Variants in KCNK5 observed in about 807,000 individuals in gnomAD.
KCNK5 encodes the protein potassium channel subfamily K member 5.
KCNK5 carries 18 observed loss-of-function variants against 32.9 expected under a neutral mutation model. That is an observed-to-expected ratio of 0.55 (90% CI 0.38 to 0.81). The LOEUF (loss-of-function observed/expected upper bound fraction) is 0.81. KCNK5 is among the 30% of genes least tolerant of loss of function. The probability of loss-of-function intolerance (pLI) is 0.00; values close to 1 mark genes in which losing one functional copy is unlikely to be tolerated. For synonymous variants in KCNK5, 276 were observed against 275.3 expected (o/e 1.00, Z -0.03); for missense variants, 507 against 651.0 (o/e 0.78, Z 2.41).
At chr6:39,213,038 T>C (rs1771369322) in intron 1 of KCNK5, among the ~76,000 whole-genome samples, 2 of 152,176 alleles carry the variant, frequency 1.3e-5, no homozygotes, top group Admixed American at 1.3e-4. Flanking sequence ...AGACCCCCTG[T>C]GGATACCCAG....
In KCNK5 at chr6:39,194,369, T is replaced by C; in HGVS notation, c.466-32A>G. ...GGGAGCAGGAGGCCAAGTCAGAGAA[T>C]AGTGGAGACTTGGAAACCCAGCAAA... On this transcript the variant is annotated intron_variant, in intron 3 of 4. Transcript: ENST00000359534. The surrounding 1 kb of genome is among the most constrained non-coding windows in gnomAD (Gnocchi z 4.7). The C allele has an allele frequency of 4.5e-6, 7 of 1,569,206 alleles. No individual in the cohort carries two copies. The highest frequency in any genetic ancestry group is 2.2e-5 in the East Asian group (1 of 44,530).
chr6:39,212,465 T>C (rs534042441), intron 1 of KCNK5, among the ~76,000 whole-genome samples: 18 of 152,322 alleles, frequency 1.2e-4, no homozygotes, highest in Admixed American at 2.6e-4. Context: ...GGATGACCCA[T>C]GCCATGGGCC....
intron 1 of KCNK5, among the ~76,000 whole-genome samples, chr6:39,208,721 C>G (rs1044400478): frequency 2.0e-5 from 3 of 152,210 alleles, no homozygotes; most frequent in Admixed American, 6.5e-5. Flanking sequence ...AACGCAAACC[C>G]CACCAGAAGA....
intron 1 of KCNK5, among the ~76,000 whole-genome samples, chr6:39,207,652 G>T (rs952025535): frequency 6.6e-6 from 1 of 152,100 alleles, no homozygotes; most frequent in Non-Finnish European, 1.5e-5. Context: ...TGGCGGGGGT[G>T]GGGGGTAGGA....
chr6:39,216,861 C>T (rs1267157437), intron 1 of KCNK5, among the ~76,000 whole-genome samples: 2 of 152,038 alleles, frequency 1.3e-5, no homozygotes, highest in Non-Finnish European at 2.9e-5. Flanking sequence ...GTGGCTCACA[C>T]CCCTAATCCC....
rs543910179 is a variant in KCNK5, at chr6:39,190,505, A to G, written c.*385T>C. ...ATGCCGAGCTCAGTAATACCGGTAA[A>G]CTTAAACAGCTGAGGCCCCAGACCT... On this transcript the variant is annotated 3_prime_UTR_variant, in exon 5 of 5. Transcript: ENST00000359534. 2.6e-4 allele frequency: 43 copies of G among 168,056 alleles called. No individual in the cohort carries two copies. Among genetic ancestry groups the G allele is most frequent in the Non-Finnish European group, 4.2e-4 (33 of 78,998 alleles). The allele number at this position is 168,056 out of a possible 1,614,324, so 10.4% of individuals were successfully genotyped here. A position where few individuals can be genotyped will look rare whatever the true frequency, so the allele number is the denominator to read the frequency against.
At chr6:39,203,012 T>C (rs1021457775) in intron 1 of KCNK5, among the ~76,000 whole-genome samples, 2 of 152,166 alleles carry the variant, frequency 1.3e-5, no homozygotes, top group Non-Finnish European at 2.9e-5. Context: ...GCAATCAATA[T>C]TGTGATTCAC....
At chr6:39,208,077 CCCTGTG>C (rs1771260501) in intron 1 of KCNK5, among the ~76,000 whole-genome samples, 1 of 152,194 alleles carries the variant, frequency 6.6e-6, no homozygotes, top group Non-Finnish European at 1.5e-5. Context: ...CTCCCTCTCC[CCCTGTG>C]CCTGTGGCTG....
intron 1 of KCNK5, among the ~76,000 whole-genome samples, chr6:39,199,404 G>C (rs1771089648): frequency 6.6e-6 from 1 of 152,214 alleles, no homozygotes; most frequent in African/African-American, 2.4e-5. Flanking sequence ...GGCAGCCTCA[G>C]GCCCTGGCTT....
intron 1 of KCNK5, among the ~76,000 whole-genome samples, chr6:39,212,191 G>C (rs1202172755): frequency 6.6e-6 from 1 of 152,168 alleles, no homozygotes; most frequent in Non-Finnish European, 1.5e-5. Flanking sequence ...CAGGAGGCTT[G>C]AGGCAGGATA....
At chr6:39,222,810 A>T (rs192267460) in intron 1 of KCNK5, among the ~76,000 whole-genome samples, 4 of 152,346 alleles carry the variant, frequency 2.6e-5, no homozygotes, top group Admixed American at 2.6e-4. Flanking sequence ...ATATGACTCC[A>T]CTTAGGAGAC....
At position 39,190,089 on chromosome 6, in the gene KCNK5, G is replaced by A. The variant is rs13200071; in HGVS notation, c.*801C>T. On this transcript the variant is annotated 3_prime_UTR_variant, in exon 5 of 5. Coordinates refer to ENST00000359534, the MANE Select transcript of KCNK5 (RefSeq NM_003740.4). ...CCTGGCCACCAGCCCTAGCAGTCCC[G>A]GCTTCCAGTAACCCATGCTCTGCTA... is the stretch of plus-strand genomic sequence containing the variant. The A allele has an allele frequency of 0.042, 6,333 of 152,586 alleles. 174 individuals are homozygous for A. The highest frequency in any genetic ancestry group is 0.058 in the Non-Finnish European group (3,970 of 68,282). The allele number at this position is 152,586 out of a possible 1,614,324, so 9.5% of individuals were successfully genotyped here.
In KCNK5 at chr6:39,199,129, G is replaced by A. The variant is rs1182715807; in HGVS notation, c.187-3142C>T. On this transcript the variant is annotated intron_variant, in intron 1 of 4. Coordinates refer to ENST00000359534, the MANE Select transcript of KCNK5 (RefSeq NM_003740.4). ...ATGGGAGATGCTCTGGCATTGAGAA[G>A]GCAAGGGGCTAGAGATGCTAAATGC... Among the ~76,000 whole-genome samples the A allele has an allele frequency of 3.9e-5, 6 of 152,190 alleles. No individual in the cohort carries two copies. The South Asian group carries it at 1.2e-3, about 31-fold the overall frequency.
At chr6:39,208,671 G>T (rs564589427) in intron 1 of KCNK5, among the ~76,000 whole-genome samples, 2 of 152,364 alleles carry the variant, frequency 1.3e-5, no homozygotes, top group South Asian at 4.1e-4. Context: ...TCTGTGCAGG[G>T]GGGGAGGGGG....
intron 1 of KCNK5, among the ~76,000 whole-genome samples, chr6:39,225,185 G>T (rs1408925054): frequency 2.0e-5 from 3 of 152,134 alleles, no homozygotes; most frequent in African/African-American, 7.2e-5. Flanking sequence ...GCAGCTCGGA[G>T]TGTAGCCTAA....
chr6:39,194,524 G>A lies in KCNK5; in HGVS notation c.465+70C>T, dbSNP rs994185217. The A allele has an allele frequency of 1.9e-6, 3 of 1,549,792 alleles. No homozygotes were observed. The African/African-American group carries it at 4.1e-5, about 21-fold the overall frequency. On this transcript the variant is annotated intron_variant, in intron 3 of 4. Transcript: ENST00000359534. This position sits in a 1 kb window ranked among gnomAD's most constrained non-coding sequence, Gnocchi z 4.7. ...TTACACCCTTGGTCCAATTCCTAGA[G>A]GCCTCCTGTCCTCCCCTCACCTGTC... is the stretch of plus-strand genomic sequence containing the variant.
intron 1 of KCNK5, among the ~76,000 whole-genome samples, chr6:39,215,530 C>T (rs1771416342): frequency 6.6e-6 from 1 of 152,168 alleles, no homozygotes; most frequent in African/African-American, 2.4e-5. Context: ...GGAGCAGGAA[C>T]CTTGCATTAG....
chr6:39,190,767 G>T lies in KCNK5; in HGVS notation c.*123C>A. The T allele has an allele frequency of 3.1e-6, 3 of 963,390 alleles. No homozygotes were observed. Among genetic ancestry groups the T allele is most frequent in the Non-Finnish European group, 4.3e-6 (3 of 690,018 alleles). 59.7% of individuals were successfully genotyped at this position (963,390 alleles called of 1,614,324 possible). A position where few individuals can be genotyped will look rare whatever the true frequency, so the allele number is the denominator to read the frequency against. On this transcript the variant is annotated 3_prime_UTR_variant, in exon 5 of 5. Coordinates refer to ENST00000359534, the MANE Select transcript of KCNK5 (RefSeq NM_003740.4). ...TGATGGAAGGTTAGGAAGGCCCCTG[G>T]CCCCCCACTCCCAGTTCCGAGGCTG...
chr6:39,229,279 C>T lies in KCNK5; in HGVS notation c.-168G>A. On this transcript the variant is annotated 5_prime_UTR_variant, in exon 1 of 5. Transcript: ENST00000359534. ...CGCTCCCCGGACAGAGTTGCTTGGC[C>T]AAGTTGGCCCACGGAGTGCGGGGAG... The T allele has an allele frequency of 1.3e-6, 1 of 755,920 alleles. No homozygotes were observed. The highest frequency in any genetic ancestry group is 1.9e-5 in the South Asian group (1 of 53,728). The allele number at this position is 755,920 out of a possible 1,614,324, so 46.8% of individuals were successfully genotyped here. A position where few individuals can be genotyped will look rare whatever the true frequency, so the allele number is the denominator to read the frequency against.
Sources: gnomAD v4.1 joint callset for allele counts (sites outside exome capture counted in the v4.1 genomes callset) on GRCh38, gnomAD v4.1.1 for gene constraint, Gnocchi (gnomAD v3.1) non-coding constraint, MANE v1.5 for transcripts, NCBI Gene and HGNC (gene_info 2026-07-23, HGNC 2026-07-21) for gene names.